The following ATP2C2 variants were observed in gnomAD, a reference collection of about 807,000 sequenced individuals.
ATP2C2 encodes the protein calcium-transporting ATPase type 2C member 2.
A neutral mutation model predicts 110.8 loss-of-function variants in ATP2C2; 171 were observed. The ratio of observed to expected loss-of-function variants is 1.54; its 90% CI spans 1.36 to 1.75. ATP2C2 has a LOEUF of 1.75. Among genes scored for constraint, ATP2C2 ranks in the 40% most tolerant of loss-of-function variants. The pLI, the probability that ATP2C2 is intolerant of heterozygous loss-of-function variation, is 0.00. For missense variants in ATP2C2, 1,963 were observed against 1,235.0 expected (o/e 1.59, Z -8.84); for synonymous variants, 804 against 508.4 (o/e 1.58, Z -7.82).
intron 1 of ATP2C2, among the ~76,000 whole-genome samples, chr16:84,385,707 C>G (rs1185777283): frequency 6.6e-6 from 1 of 152,182 alleles, no homozygotes; most frequent in African/African-American, 2.4e-5. Flanking sequence ...CACCTCTTCA[C>G]AGAGCGGCAG....
At chr16:84,380,463 C>A (rs1819642900) in intron 1 of ATP2C2, among the ~76,000 whole-genome samples, 1 of 152,182 alleles carries the variant, frequency 6.6e-6, no homozygotes, top group Non-Finnish European at 1.5e-5. Flanking sequence ...CCTTCACTCC[C>A]CCACTTTATG....
At chr16:84,436,668 C>G (rs1019551117) in intron 11 of ATP2C2, among the ~76,000 whole-genome samples, 1 of 152,128 alleles carries the variant, frequency 6.6e-6, no homozygotes, top group Non-Finnish European at 1.5e-5. Flanking sequence ...CCCTCCTCAG[C>G]CTGGCCTCGG....
intron 17 of ATP2C2, among the ~76,000 whole-genome samples, chr16:84,451,107 G>A (rs1007047735): frequency 1.3e-5 from 2 of 152,144 alleles, no homozygotes; most frequent in Non-Finnish European, 2.9e-5. Context: ...CCACGTGGCT[G>A]GGGAGGCCTT....
At chr16:84,370,730 T>C (rs1909905823) in intron 1 of ATP2C2, among the ~76,000 whole-genome samples, 1 of 151,568 alleles carries the variant, frequency 6.6e-6, no homozygotes, top group Admixed American at 6.6e-5. Context: ...CCATTTTCAC[T>C]CCTCAATAGA....
chr16:84,373,105 G>C (rs1378231090), intron 1 of ATP2C2, among the ~76,000 whole-genome samples: 1 of 145,250 alleles, frequency 6.9e-6, no homozygotes, highest in Non-Finnish European at 1.5e-5. Flanking sequence ...GGAAGACAGA[G>C]CGAGACTCCC....
chr16:84,404,699 G>A (rs559061685), intron 2 of ATP2C2: 1 of 344,666 alleles, frequency 2.9e-6, no homozygotes, highest in Admixed American at 4.1e-5. Context: ...CAGTTCCTTT[G>A]GGTATATACC....
At chr16:84,418,775 C>A (rs879452563) in intron 7 of ATP2C2, among the ~76,000 whole-genome samples, 2 of 152,178 alleles carry the variant, frequency 1.3e-5, no homozygotes, top group Non-Finnish European at 2.9e-5. Flanking sequence ...TGCCTCTCCC[C>A]CTGAGTTTCC....
chr16:84,409,869 C>T (rs1055212623), intron 4 of ATP2C2, among the ~76,000 whole-genome samples: 1 of 152,118 alleles, frequency 6.6e-6, no homozygotes, highest in Non-Finnish European at 1.5e-5. Context: ...TTTTAAAATA[C>T]AAACACAGAC....
chr16:84,432,576 A>G (rs1418545023), intron 11 of ATP2C2, among the ~76,000 whole-genome samples: 1 of 152,048 alleles, frequency 6.6e-6, no homozygotes, highest in Non-Finnish European at 1.5e-5. Context: ...GCTGGAGTGC[A>G]GTGGCGTGAT....
chr16:84,392,278 C>A (rs998197294), intron 1 of ATP2C2, among the ~76,000 whole-genome samples: 1 of 152,090 alleles, frequency 6.6e-6, no homozygotes, highest in Non-Finnish European at 1.5e-5. Context: ...TAAAATATCA[C>A]AATTACCATT....
At position 84,461,982 on chromosome 16, in the gene ATP2C2, C is replaced by G. The variant is rs200622792; in HGVS notation, c.2581-6C>G. On this transcript the variant is annotated splice_polypyrimidine_tract_variant and splice_region_variant and intron_variant, in intron 25 of 26. Coordinates refer to ENST00000262429, the MANE Select transcript of ATP2C2 (RefSeq NM_014861.4). ...CACAATCCCCCGTGTGACCTTCTCC[C>G]TGCAGACCAAGCTGATATTTGAGAT... 16 of 1,613,002 alleles carry G rather than the reference C, an allele frequency of 9.9e-6. No individual in the cohort carries two copies. Among genetic ancestry groups the G allele is most frequent in the South Asian group, 6.6e-5 (6 of 91,012 alleles).
At chr16:84,435,524 G>C (rs961083417) in intron 11 of ATP2C2, among the ~76,000 whole-genome samples, 1 of 152,184 alleles carries the variant, frequency 6.6e-6, no homozygotes, top group Non-Finnish European at 1.5e-5. Context: ...TTCTAATGCA[G>C]AGGATAAAAA....
intron 13 of ATP2C2, among the ~76,000 whole-genome samples, chr16:84,439,963 T>C (rs1433558518): frequency 6.6e-6 from 1 of 152,198 alleles, no homozygotes; most frequent in Non-Finnish European, 1.5e-5. Flanking sequence ...GCTTCCCAAG[T>C]AGCTGGGACT....
rs1567703315 is a variant in ATP2C2, at chr16:84,410,712, G to T, written c.462G>T (p.Arg154Ser). Residue 154 changes from arginine to serine, a missense_variant, in exon 6 of 27, where the codon AGG becomes AGT. Coordinates refer to ENST00000262429, the MANE Select transcript of ATP2C2 (RefSeq NM_014861.4). ...VVTVAFIQEY[R>S]SEKSLEELTK... The stretch of plus-strand genomic sequence containing the variant: ...GATGTGCTTCCTGCCAGGAGTACAG[G>T]TCGGAGAAATCTCTGGAAGAGCTGA... The T allele has an allele frequency of 6.2e-7, 1 of 1,614,174 alleles. No homozygotes were observed. Among genetic ancestry groups the T allele is most frequent in the South Asian group, 1.1e-5 (1 of 91,078 alleles).
At chr16:84,398,303 G>T (rs1323535167) in intron 1 of ATP2C2, among the ~76,000 whole-genome samples, 196 bp from the exon 2 acceptor site, 1 of 152,116 alleles carries the variant, frequency 6.6e-6, no homozygotes, top group Admixed American at 6.5e-5. Context: ...CTACTCGGGA[G>T]GCTGAGACAG....
rs538356722 is a variant in ATP2C2 at position 84,398,973 on chromosome 16, G to C, written c.210+364G>C. ...GTAGCACAGCCCAGCGTGGAGTCCA[G>C]CTGTTTCACATGAAAGCCCAAACTC... On this transcript the variant is annotated intron_variant, in intron 2 of 26. Coordinates refer to ENST00000262429, the MANE Select transcript of ATP2C2 (RefSeq NM_014861.4). Among the ~76,000 whole-genome samples the C allele has an allele frequency of 1.1e-3, 168 of 152,362 alleles. 1 individual carries two copies. Among genetic ancestry groups the C allele is most frequent in the African/African-American group, 3.9e-3 (161 of 41,582 alleles).
At chr16:84,377,621 C>A (rs1226315485) in intron 1 of ATP2C2, among the ~76,000 whole-genome samples, 3 of 152,000 alleles carry the variant, frequency 2.0e-5, no homozygotes, top group Non-Finnish European at 2.9e-5. Flanking sequence ...GGATTAAGGC[C>A]CCACCAATGA....
intron 1 of ATP2C2, among the ~76,000 whole-genome samples, chr16:84,391,828 T>G (rs905505059): frequency 6.6e-6 from 1 of 152,108 alleles, no homozygotes; most frequent in African/African-American, 2.4e-5. Context: ...CATGGGAAAC[T>G]CACACACAAA....
rs201509473 is a variant in ATP2C2 at position 84,408,573 on chromosome 16, GA to G, written c.417+87del. 2,510 of 1,154,952 alleles carry G rather than the reference GA, an allele frequency of 2.2e-3. 58 individuals carry two copies. In the African/African-American group the frequency reaches 0.035, roughly 16 times the overall value. 71.5% of individuals were successfully genotyped at this position (1,154,952 alleles called of 1,614,324 possible). On this transcript the variant is annotated intron_variant, in intron 4 of 26. Transcript: ENST00000262429. The stretch of plus-strand genomic sequence containing the variant: ...GTCTCTGCTTGTTATTGTATATAAA[GA>G]AAAAAAAGAGTTTGCTGTAGGGGGG...
Sources: gnomAD v4.1 joint callset for allele counts (sites outside exome capture counted in the v4.1 genomes callset) on GRCh38, gnomAD v4.1.1 for gene constraint, MANE v1.5 for transcripts, NCBI Gene and HGNC (gene_info 2026-07-23, HGNC 2026-07-21) for gene names.